The following HPS3 variants were observed in gnomAD, a reference collection of about 807,000 sequenced individuals.
HPS3 encodes the protein HPS3 biogenesis of lysosomal organelles complex 2 subunit 1, also known as BLOC-2 complex member HPS3.
A neutral mutation model predicts 110.9 loss-of-function variants in HPS3; 79 were observed. The ratio of observed to expected loss-of-function variants is 0.71; its 90% confidence interval spans 0.59 to 0.86. The LOEUF is 0.86. HPS3 is among the 40% of genes least tolerant of loss of function. The pLI, the probability that HPS3 is intolerant of heterozygous loss-of-function variation, is 0.00. For missense variants in HPS3, 1,197 were observed against 1,206.2 expected (o/e 0.99, Z 0.11); for synonymous variants, 428 against 451.0 (o/e 0.95, Z 0.65).
At chr3:149,171,703 T>G (rs1725010085) in intron 16 of HPS3, among the ~76,000 whole-genome samples, 1 of 147,022 alleles carries the variant, frequency 6.8e-6, no homozygotes. Context: ...GGCTTCTTTT[T>G]TTTTTTTTTT....
At chr3:149,164,129 ATGGT>A (rs1441028065) in intron 14 of HPS3, among the ~76,000 whole-genome samples, 180 bp downstream of exon 14, 1 of 152,128 alleles carries the variant, frequency 6.6e-6, no homozygotes, top group Non-Finnish European at 1.5e-5. Context: ...GAAACTGATG[ATGGT>A]TGGAACACCT....
rs771530969 is a variant in HPS3, at chr3:149,163,860, T to C, written c.2500T>C (p.Tyr834His). The change falls in exon 14 of 17, where the codon TAT (tyrosine) becomes CAT (histidine). Residue 834 changes from tyrosine (Y) to histidine (H), a missense_variant. Transcript: ENST00000296051. ...SEDLINACSHYGLIYPWVHVV... is the reference protein window; with the variant it reads ...SEDLINACSHHGLIYPWVHVV... ...GTTTTAGATAAATGCCTGTAGTCATTATGGCTTAATTTATCCATGGGTTCA... is the reference window on the plus strand; with the variant it reads ...GTTTTAGATAAATGCCTGTAGTCATCATGGCTTAATTTATCCATGGGTTCA... 1 of 1,562,590 alleles carries C rather than the reference T, an allele frequency of 6.4e-7. No individual in the cohort carries two copies. Among genetic ancestry groups the C allele is most frequent in the African/African-American group, 1.3e-5 (1 of 74,474 alleles).
intron 4 of HPS3, among the ~76,000 whole-genome samples, chr3:149,143,598 G>T (rs896974594): frequency 6.6e-6 from 1 of 152,180 alleles, no homozygotes; most frequent in Non-Finnish European, 1.5e-5. Flanking sequence ...ATAGACGAAT[G>T]GATGGGTCAT....
intron 1 of HPS3, among the ~76,000 whole-genome samples, chr3:149,134,177 T>C (rs967860842): frequency 6.6e-6 from 1 of 152,204 alleles, no homozygotes; most frequent in Non-Finnish European, 1.5e-5. Flanking sequence ...TTGAAAAACC[T>C]CTCATTAACT....
chr3:149,168,693 G>GC (rs756714397), intron 16 of HPS3, among the ~76,000 whole-genome samples: 6 of 152,236 alleles, frequency 3.9e-5, no homozygotes, highest in Non-Finnish European at 7.4e-5. Flanking sequence ...TTTAATTAAA[G>GC]CTGTATGCTT....
In HPS3 at chr3:149,141,171, T is replaced by C; in HGVS notation, c.867T>C (p.Phe289=). The C allele has an allele frequency of 6.2e-7, 1 of 1,609,254 alleles. No homozygotes were observed. The part of the protein sequence containing the change: ...LADEKRKYSH[F]QHLLYRRFAP... ...ATGAAAAAAGAAAATATTCCCACTTTCAGCACCTGCTCTATAGGTATTATA... is the reference window on the plus strand; with the variant it reads ...ATGAAAAAAGAAAATATTCCCACTTCCAGCACCTGCTCTATAGGTATTATA... Residue 289 remains phenylalanine (F), a synonymous_variant, in exon 3 of 17, where the codon TTT becomes TTC. Transcript: ENST00000296051.
chr3:149,149,797 T>C (rs1722991478), intron 5 of HPS3, among the ~76,000 whole-genome samples: 1 of 152,162 alleles, frequency 6.6e-6, no homozygotes, highest in Admixed American at 6.5e-5. Context: ...TCTAAGTTAA[T>C]TAACTGTTTT....
At position 149,172,189 on chromosome 3, in the gene HPS3, TCTC is replaced by T; in HGVS notation, c.2983_2985del (p.Leu995del). 6.2e-7 allele frequency: 1 copy of T among 1,613,730 alleles called. No homozygotes were observed. The highest frequency in any genetic ancestry group is 8.5e-7 in the Non-Finnish European group (1 of 1,179,700). On this transcript the variant is annotated inframe_deletion, in exon 17 of 17. Transcript: ENST00000296051. ...CTGCAACATTTTTCTTGCCATATCT[TCTC>T]TATTGCAGTCGAAAGAAACCATTGA... is the stretch of plus-strand genomic sequence containing the variant.
chr3:149,146,286 G>GAGACACAC (rs1559912683), intron 5 of HPS3, among the ~76,000 whole-genome samples: 1 of 152,184 alleles, frequency 6.6e-6, no homozygotes, highest in African/African-American at 2.4e-5. Flanking sequence ...GAAGGTTAGA[G>GAGACACAC]AGACACACAA....
At chr3:149,135,817 A>G (rs1464638671) in intron 1 of HPS3, among the ~76,000 whole-genome samples, 2 of 151,932 alleles carry the variant, frequency 1.3e-5, no homozygotes, top group African/African-American at 4.8e-5. Context: ...CAAGGCTGTA[A>G]TTGCCTGGCC....
chr3:149,138,685 A>G (rs1293766654), intron 1 of HPS3, among the ~76,000 whole-genome samples: 3 of 152,234 alleles, frequency 2.0e-5, no homozygotes, highest in Non-Finnish European at 1.5e-5. Flanking sequence ...TATCCCTTTT[A>G]AGTAGAGAGC....
At chr3:149,169,913 AG>A (rs1027417543) in intron 16 of HPS3, among the ~76,000 whole-genome samples, 1 of 152,208 alleles carries the variant, frequency 6.6e-6, no homozygotes, top group African/African-American at 2.4e-5. Flanking sequence ...GAAGATTTTA[AG>A]GGTACAGGTT....
chr3:149,149,631 G>A (rs1722983399), intron 5 of HPS3, among the ~76,000 whole-genome samples: 1 of 148,572 alleles, frequency 6.7e-6, no homozygotes, highest in South Asian at 2.2e-4. Flanking sequence ...ATTACTGTTA[G>A]GTTTGCTTTA....
At chr3:149,154,717 TCTG>T (rs1319305436) in intron 7 of HPS3, among the ~76,000 whole-genome samples, 7 of 152,204 alleles carry the variant, frequency 4.6e-5, no homozygotes, top group African/African-American at 1.7e-4. Flanking sequence ...TGATGTTGCT[TCTG>T]CTTAGATTTG....
chr3:149,155,733 G>A (rs1265067501), intron 8 of HPS3, among the ~76,000 whole-genome samples: 1 of 152,066 alleles, frequency 6.6e-6, no homozygotes, highest in Non-Finnish European at 1.5e-5. Flanking sequence ...TCTTTATTTT[G>A]AAACAATTTC....
intron 4 of HPS3, among the ~76,000 whole-genome samples, chr3:149,143,007 T>C (rs1182827753): frequency 6.6e-6 from 1 of 152,128 alleles, no homozygotes; most frequent in Non-Finnish European, 1.5e-5. Context: ...GCAAAGGCTC[T>C]GTTGCAGAGG....
chr3:149,131,162 C>G (rs1324420406), intron 1 of HPS3, among the ~76,000 whole-genome samples: 2 of 149,996 alleles, frequency 1.3e-5, no homozygotes, highest in Admixed American at 1.3e-4. Context: ...ATAAATAGAT[C>G]AGTGATATCC....
At chr3:149,159,979 C>A in intron 10 of HPS3, 67 bp from the exon 11 acceptor site, 1 of 1,088,634 alleles carries the variant, frequency 9.2e-7, no homozygotes, top group South Asian at 1.2e-5. Flanking sequence ...ATATGTTTTG[C>A]TGATTTTGTT....
In HPS3 at chr3:149,134,183, T is replaced by G. The variant is rs182881440; in HGVS notation, c.217+4243T>G. 2.6e-5 allele frequency among the ~76,000 whole-genome samples: 4 copies of G among 152,332 alleles called. No individual in the cohort carries two copies. In the East Asian group the frequency reaches 7.7e-4, roughly 29 times the overall value. The stretch of plus-strand genomic sequence containing the variant: ...CGGACCTGTTTGAAAAACCTCTCAT[T>G]AACTCTTTAAGTTCCCTTTCAGCAG... On this transcript the variant is annotated intron_variant, in intron 1 of 16. Coordinates refer to ENST00000296051, the MANE Select transcript of HPS3 (RefSeq NM_032383.5).
Sources: gnomAD v4.1 joint callset for allele counts (sites outside exome capture counted in the v4.1 genomes callset) on GRCh38, gnomAD v4.1.1 for gene constraint, MANE v1.5 for transcripts, NCBI Gene and HGNC (gene_info 2026-07-23, HGNC 2026-07-21) for gene names.